SCIN: variants seen among roughly 807,000 people sequenced by gnomAD.
SCIN encodes adseverin.
SCIN carries 91 observed loss-of-function variants against 91.8 expected under a neutral mutation model. The ratio of observed to expected loss-of-function variants is 0.99; its 90% CI spans 0.84 to 1.18. The LOEUF (loss-of-function observed/expected upper bound fraction) is 1.18. SCIN is among the 50% of genes most tolerant of loss of function. The pLI is 0.00. For synonymous variants in SCIN, 367 were observed against 312.6 expected (o/e 1.17, Z -1.84); for missense variants, 1,087 against 863.9 (o/e 1.26, Z -3.24).
intron 10 of SCIN, 71 bp from the exon 11 acceptor site, chr7:12,640,276 C>T: frequency 7.6e-7 from 1 of 1,307,754 alleles, no homozygotes; most frequent in East Asian, 2.7e-5. Flanking sequence ...CATAAGAACA[C>T]ATTTGGAACT....
intron 1 of SCIN, chr7:12,571,193 G>C (rs1240008093): frequency 1.4e-5 from 8 of 591,854 alleles, no homozygotes; most frequent in Non-Finnish European, 2.4e-5. Flanking sequence ...GGCGTTGTCC[G>C]CAATTGACTT....
chr7:12,591,163 A>T (rs566537074), intron 3 of SCIN, among the ~76,000 whole-genome samples: 21 of 152,152 alleles, frequency 1.4e-4, no homozygotes, highest in Non-Finnish European at 2.4e-4. Flanking sequence ...AAGAATGAGT[A>T]GGAAGGGAAG....
chr7:12,620,608 A>C (rs1404588392), intron 4 of SCIN, among the ~76,000 whole-genome samples: 1 of 152,178 alleles, frequency 6.6e-6, no homozygotes, highest in Non-Finnish European at 1.5e-5. Context: ...AGGAATAAAC[A>C]GGAATCAGTG....
chr7:12,575,887 C>A (rs912354988), intron 1 of SCIN, among the ~76,000 whole-genome samples: 3 of 152,182 alleles, frequency 2.0e-5, no homozygotes, highest in Non-Finnish European at 4.4e-5. Context: ...CAAAGGCTGA[C>A]ATTGGCTTCA....
chr7:12,601,905 G>T (rs1326513269), intron 3 of SCIN, among the ~76,000 whole-genome samples: 1 of 152,098 alleles, frequency 6.6e-6, no homozygotes, highest in Admixed American at 6.5e-5. Context: ...TACTGAAGAG[G>T]AGTGGACAGG....
chr7:12,625,505 A>AT (rs200870472), intron 6 of SCIN, among the ~76,000 whole-genome samples: 1,163 of 55,996 alleles, frequency 0.021, 10 homozygotes, highest in African/African-American at 0.08. Context: ...ATTTTTTTGT[A>AT]TTTTTTGTGG....
At chr7:12,602,034 C>T (rs375127599) in intron 3 of SCIN, among the ~76,000 whole-genome samples, 1 of 152,120 alleles carries the variant, frequency 6.6e-6, no homozygotes, top group Non-Finnish European at 1.5e-5. Context: ...GTTTAAGCCC[C>T]AGGTTGGGAG....
intron 10 of SCIN, among the ~76,000 whole-genome samples, chr7:12,637,157 GTTGTT>G (rs1191525818): frequency 6.6e-6 from 1 of 152,098 alleles, no homozygotes; most frequent in Non-Finnish European, 1.5e-5. Flanking sequence ...ATAAATTTGT[GTTGTT>G]TTAAGCCACT....
At chr7:12,587,736 T>G (rs1782619160) in intron 3 of SCIN, among the ~76,000 whole-genome samples, 1 of 152,178 alleles carries the variant, frequency 6.6e-6, no homozygotes. Context: ...GTAGGACAAA[T>G]CAATTGGAAG....
intron 7 of SCIN, chr7:12,626,096 G>C (rs947286635): frequency 2.5e-5 from 11 of 443,912 alleles, no homozygotes; most frequent in African/African-American, 1.4e-4. Flanking sequence ...TTTAATTCAA[G>C]ATAGTAAACC....
In SCIN at chr7:12,629,155, G is replaced by A; in HGVS notation, c.1252G>A (p.Glu418Lys). The change falls in exon 9 of 16, where the codon GAA becomes AAA. Residue 418 changes from glutamate to lysine, a missense_variant. By Grantham distance (56) the Glu-to-Lys change is moderately conservative. Coordinates refer to ENST00000297029, the MANE Select transcript of SCIN (RefSeq NM_001112706.3). ...RIQVDQNSYG[E>K]FYGGDCYIIL... is the part of the protein sequence containing the mutation. ...CCAAGTTGACCAAAACTCATATGGT[G>A]AATTCTATGGTGGTGACTGCTACAT... 3.1e-6 allele frequency: 5 copies of A among 1,613,270 alleles called. No homozygotes were observed. The highest frequency in any genetic ancestry group is 3.4e-6 in the Non-Finnish European group (4 of 1,179,410).
intron 1 of SCIN, 31 bp downstream of exon 1, chr7:12,571,016 G>T: frequency 6.5e-7 from 1 of 1,536,390 alleles, no homozygotes; most frequent in South Asian, 1.2e-5. Flanking sequence ...GGACCCCGAC[G>T]CACCAAGGCC....
intron 3 of SCIN, among the ~76,000 whole-genome samples, chr7:12,593,324 A>G (rs1782766355): frequency 1.3e-5 from 2 of 152,172 alleles, no homozygotes; most frequent in Non-Finnish European, 2.9e-5. Context: ...CGTCCCTGTT[A>G]TTAAAGACTT....
At chr7:12,611,588 G>C (rs117496984) in intron 4 of SCIN, among the ~76,000 whole-genome samples, 1 of 152,130 alleles carries the variant, frequency 6.6e-6, no homozygotes, top group Non-Finnish European at 1.5e-5. Flanking sequence ...CCTTTGATTA[G>C]ATAAATCAAT....
intron 10 of SCIN, among the ~76,000 whole-genome samples, chr7:12,637,587 A>G (rs992267008): frequency 6.6e-6 from 1 of 151,236 alleles, no homozygotes; most frequent in Non-Finnish European, 1.5e-5. Context: ...GAGGAGGGGG[A>G]AGAGAAGAGA....
At chr7:12,590,698 T>A (rs1393579913) in intron 3 of SCIN, among the ~76,000 whole-genome samples, 1 of 152,104 alleles carries the variant, frequency 6.6e-6, no homozygotes, top group Non-Finnish European at 1.5e-5. Flanking sequence ...CATCGGCCTT[T>A]CTGTTGCCTC....
intron 2 of SCIN, among the ~76,000 whole-genome samples, chr7:12,580,752 G>T (rs911525452): frequency 1.3e-5 from 2 of 152,170 alleles, no homozygotes; most frequent in Non-Finnish European, 1.5e-5. Context: ...TGTCCAAAGG[G>T]CAAGAGCTAT....
intron 2 of SCIN, 50 bp downstream of exon 2, chr7:12,578,268 A>G (rs752796480): frequency 6.8e-7 from 1 of 1,463,106 alleles, no homozygotes; most frequent in South Asian, 1.4e-5. Context: ...CCTCTTGTCC[A>G]TCCATACCTC....
chr7:12,603,446 AT>A (rs1210150932), intron 3 of SCIN, among the ~76,000 whole-genome samples: 1 of 151,898 alleles, frequency 6.6e-6, no homozygotes, highest in East Asian at 1.9e-4. Flanking sequence ...CCTGACCTTA[AT>A]TTTTTTATAA....
Sources: gnomAD v4.1 joint callset for allele counts (sites outside exome capture counted in the v4.1 genomes callset) on GRCh38, gnomAD v4.1.1 for gene constraint, MANE v1.5 for transcripts, NCBI Gene and HGNC (gene_info 2026-07-23, HGNC 2026-07-21) for gene names.